The following PRSS38 variants were observed in gnomAD, a reference collection of about 807,000 sequenced individuals.
PRSS38 encodes serine protease 38, also known as marapsin 2.
Under a neutral mutation model 26.8 loss-of-function variants are expected in PRSS38, and 22 were observed. The observed-to-expected ratio is 0.82, with a 90% CI of 0.59 to 1.17. PRSS38 has a LOEUF of 1.17. Among genes scored for constraint, PRSS38 ranks in the 50% most tolerant of loss-of-function variants. PRSS38 has a pLI of 0.00. For synonymous variants in PRSS38, 175 were observed against 172.1 expected (o/e 1.02, Z -0.13); for missense variants, 427 against 422.7 (o/e 1.01, Z -0.09).
intron 3 of PRSS38, among the ~76,000 whole-genome samples, chr1:227,835,160 TCAAA>T (rs1015432155): frequency 6.6e-6 from 1 of 152,112 alleles, no homozygotes; most frequent in Non-Finnish European, 1.5e-5. Flanking sequence ...ATGGCTGTAA[TCAAA>T]CAAATGGAAA....
rs188612482 is a variant in PRSS38 at position 227,827,787 on chromosome 1, T to C, written c.583+10307T>C. ...AGTTCTTTTAGTTGAGGTGTTAGGT[T>C]GTTAACTTCAGATCTTTCTAGCTTT... On this transcript the variant is annotated intron_variant, in intron 3 of 4. Transcript: ENST00000366757. 5.9e-5 allele frequency among the ~76,000 whole-genome samples: 9 copies of C among 152,292 alleles called. No individual in the cohort carries two copies. The East Asian group carries it at 9.6e-4, about 16-fold the overall frequency.
At chr1:227,834,765 G>A (rs1054027082) in intron 3 of PRSS38, among the ~76,000 whole-genome samples, 2 of 152,112 alleles carry the variant, frequency 1.3e-5, no homozygotes, top group Non-Finnish European at 2.9e-5. Context: ...AGCGGGTCGA[G>A]GCTGCAGTGA....
At chr1:227,836,979 A>G (rs1665246005) in intron 3 of PRSS38, among the ~76,000 whole-genome samples, 1 of 152,074 alleles carries the variant, frequency 6.6e-6, no homozygotes, top group Non-Finnish European at 1.5e-5. Context: ...TTTTATTTAT[A>G]TATTTATTTA....
chr1:227,822,497 G>A (rs1665017126), intron 3 of PRSS38, among the ~76,000 whole-genome samples: 3 of 152,098 alleles, frequency 2.0e-5, no homozygotes, highest in South Asian at 4.1e-4. Flanking sequence ...TGTTAACTCT[G>A]GAAATAAGAT....
chr1:227,841,916 G>A (rs909438885), intron 3 of PRSS38, among the ~76,000 whole-genome samples: 1 of 152,230 alleles, frequency 6.6e-6, no homozygotes, highest in Non-Finnish European at 1.5e-5. Context: ...GAAGCATGGT[G>A]CTGGCATCTG....
intron 3 of PRSS38, among the ~76,000 whole-genome samples, chr1:227,843,855 A>G (rs2102686622): frequency 6.6e-6 from 1 of 152,072 alleles, no homozygotes; most frequent in South Asian, 2.1e-4. Flanking sequence ...CCCTATCTCT[A>G]CTAAAAATAT....
Position 227,817,105 on chromosome 1 carries a change from A to G in PRSS38, c.312-104A>G, listed in dbSNP as rs143732328. The G allele has an allele frequency of 3.1e-4, 392 of 1,245,408 alleles. 3 individuals carry two copies. The East Asian group carries it at 9.0e-3, about 29-fold the overall frequency. The allele number at this position is 1,245,408 out of a possible 1,614,324, so 77.1% of individuals were successfully genotyped here. On this transcript the variant is annotated intron_variant, in intron 2 of 4. Coordinates refer to ENST00000366757, the Ensembl canonical transcript of PRSS38. ...GCTGCAGGAAGAAACTGGCTTTTCA[A>G]TCCCACCGAGTGAGTGCCAGCCCCT...
intron 3 of PRSS38, among the ~76,000 whole-genome samples, chr1:227,829,234 C>T (rs1367511796): frequency 3.9e-5 from 6 of 152,148 alleles, no homozygotes; most frequent in Admixed American, 3.9e-4. Flanking sequence ...TAGTCTTGTA[C>T]TAATTTTCAT....
intron 3 of PRSS38, among the ~76,000 whole-genome samples, chr1:227,830,115 C>T (rs978592761): frequency 1.3e-5 from 2 of 152,064 alleles, no homozygotes; most frequent in African/African-American, 4.8e-5. Context: ...ATTAAACTCA[C>T]CTTGCATTCC....
chr1:227,842,643 G>C (rs1665355157), intron 3 of PRSS38, among the ~76,000 whole-genome samples: 1 of 151,128 alleles, frequency 6.6e-6, no homozygotes, highest in South Asian at 2.1e-4. Flanking sequence ...GCAATGGCGT[G>C]ATCTCTGGCT....
chr1:227,827,262 G>T (rs1373860814), intron 3 of PRSS38, among the ~76,000 whole-genome samples: 1 of 152,122 alleles, frequency 6.6e-6, no homozygotes, highest in Non-Finnish European at 1.5e-5. Flanking sequence ...AATGGAACTG[G>T]CTCTTCTTTG....
intron 3 of PRSS38, among the ~76,000 whole-genome samples, chr1:227,833,527 CAA>C (rs34002342): frequency 1.5e-4 from 22 of 148,670 alleles, no homozygotes; most frequent in East Asian, 4.0e-4. Flanking sequence ...GACTCCATCT[CAA>C]AAAAAAAAAG....
intron 3 of PRSS38, among the ~76,000 whole-genome samples, chr1:227,840,846 C>T (rs1178035285): frequency 6.6e-6 from 1 of 152,158 alleles, no homozygotes; most frequent in African/African-American, 2.4e-5. Flanking sequence ...TTATACCTTC[C>T]ATGTCTCCAT....
intron 3 of PRSS38, among the ~76,000 whole-genome samples, chr1:227,821,435 TTAA>T (rs375832780): frequency 9.6e-4 from 146 of 152,314 alleles, no homozygotes; most frequent in African/African-American, 3.3e-3. Context: ...CCAAAGTCCT[TTAA>T]TTTGTCATAT....
chr1:227,842,995 A>G (rs537785637), intron 3 of PRSS38, among the ~76,000 whole-genome samples: 2 of 152,292 alleles, frequency 1.3e-5, no homozygotes, highest in African/African-American at 4.8e-5. Flanking sequence ...ACAGATTGGA[A>G]AGCTCCAACC....
intron 3 of PRSS38, among the ~76,000 whole-genome samples, chr1:227,837,149 C>A (rs191313455): frequency 1.1e-4 from 17 of 152,254 alleles, no homozygotes; most frequent in Admixed American, 1.1e-3. Flanking sequence ...CGCCACCATG[C>A]CTGGATAGTT....
chr1:227,825,489 C>T (rs1665060833), intron 3 of PRSS38, among the ~76,000 whole-genome samples: 1 of 152,108 alleles, frequency 6.6e-6, no homozygotes, highest in Non-Finnish European at 1.5e-5. Context: ...CGCGTCTGGC[C>T]TCTAGGTTTT....
In PRSS38 at chr1:227,845,564, C is replaced by T. The variant is rs144236979; in HGVS notation, c.678C>T (p.Pro226=). 5,295 of 1,613,652 alleles carry T rather than the reference C, an allele frequency of 3.3e-3. 20 individuals carry two copies. Among genetic ancestry groups the T allele is most frequent in the Non-Finnish European group, 3.2e-3 (3,790 of 1,179,710 alleles). Residue 226 remains proline (P), a synonymous_variant, in exon 4 of 5, where the codon CCC becomes CCT. Coordinates refer to ENST00000366757, the Ensembl canonical transcript of PRSS38. ...ACGGACACATGTCCTACATCATGCC[C>T]GACATGCTGTGTGCTGGGGACATCC...
At position 227,815,704 on chromosome 1, in the gene PRSS38, T is replaced by C; in HGVS notation, c.-13T>C. 4 of 1,568,030 alleles carry C rather than the reference T, an allele frequency of 2.6e-6. No homozygotes were observed. In the Admixed American group the frequency reaches 7.3e-5, roughly 29 times the overall value. On this transcript the variant is annotated 5_prime_UTR_variant, in exon 1 of 5. Transcript: ENST00000366757. ...GGAGCTAGTCACCCGCTGGGGGCGC[T>C]GCCTCGAGCCTCATGGCTGCCCCTG... is the stretch of plus-strand genomic sequence containing the variant.
Sources: allele counts gnomAD v4.1 joint callset (sites outside exome capture counted in the v4.1 genomes callset), GRCh38; gene constraint gnomAD v4.1.1; transcripts MANE v1.5; gene names NCBI Gene and HGNC (gene_info 2026-07-23, HGNC 2026-07-21).